HDHD5: variants seen among roughly 807,000 people sequenced by gnomAD.
HDHD5 encodes the protein haloacid dehalogenase-like hydrolase domain-containing 5.
A neutral mutation model predicts 35.5 loss-of-function variants in HDHD5; 34 were observed. That is an observed-to-expected ratio of 0.96 (90% confidence interval 0.73 to 1.28). The LOEUF is 1.28. Ranked by LOEUF, HDHD5 falls within the 50% of genes most tolerant of loss-of-function variation. The pLI, the probability that HDHD5 is intolerant of heterozygous loss-of-function variation, is 0.00. For synonymous variants in HDHD5, 248 were observed against 240.6 expected, an observed-to-expected ratio of 1.03 and a Z score of -0.29; for missense variants, 589 against 560.2, an observed-to-expected ratio of 1.05 and a Z score of -0.52.
chr22:17,156,338 C>T (rs1370276716), intron 1 of HDHD5, among the ~76,000 whole-genome samples: 1 of 152,184 alleles, frequency 6.6e-6, no homozygotes, highest in Non-Finnish European at 1.5e-5. Context: ...TAAGGTAGGG[C>T]ACTGTGGCTC....
chr22:17,149,270 C>A lies in HDHD5; in HGVS notation c.330+272G>T, dbSNP rs567596372. ...GCCAAGGTGTGACGCCAGAGCCACA[C>A]CTGCTATTCCTGCTATGCAAGTTCT... On this transcript the variant is annotated intron_variant, in intron 2 of 7. Transcript: ENST00000336737. Among the ~76,000 whole-genome samples, 5 of 152,288 alleles carry A rather than the reference C, an allele frequency of 3.3e-5. No individual in the cohort carries two copies. In the South Asian group the frequency reaches 6.2e-4, roughly 19 times the overall value.
At chr22:17,143,019 A>C in intron 5 of HDHD5, 79 bp downstream of exon 5, 1 of 1,492,546 alleles carries the variant, frequency 6.7e-7, no homozygotes, top group Non-Finnish European at 9.2e-7. Context: ...GGCTGCAGGC[A>C]GTCACACTGA....
chr22:17,138,890 G>A (rs2061567334), intron 6 of HDHD5, 152 bp from the exon 7 acceptor site: 1 of 762,300 alleles, frequency 1.3e-6, no homozygotes, highest in South Asian at 1.8e-5. Flanking sequence ...AGGCACTGGA[G>A]GCAGCATTTC....
At chr22:17,161,306 C>CCCAGCACT (rs963991688), upstream of HDHD5, among the ~76,000 whole-genome samples, 5 of 151,092 alleles carry the variant, frequency 3.3e-5, no homozygotes, top group Non-Finnish European at 4.4e-5. Context: ...TGCCTGTAAT[C>CCCAGCACT]CCAGCACTTT....
chr22:17,145,216 T>C, intron 3 of HDHD5, 99 bp from the exon 4 acceptor site: 6 of 1,549,016 alleles, frequency 3.9e-6, no homozygotes, highest in Non-Finnish European at 5.2e-6. Flanking sequence ...CCACTCCTGA[T>C]CAAGCCAGGC....
At chr22:17,156,653 A>G (rs1384666248) in intron 1 of HDHD5, among the ~76,000 whole-genome samples, 4 of 151,132 alleles carry the variant, frequency 2.6e-5, no homozygotes, top group Admixed American at 6.6e-5. Flanking sequence ...GCAGGCACCT[A>G]TACTCCCAGT....
At chr22:17,159,294 C>CCG, upstream of HDHD5, 8 of 1,237,626 alleles carry the variant, frequency 6.5e-6, no homozygotes, top group Non-Finnish European at 8.1e-6. Flanking sequence ...CGGCCCCCCC[C>CCG]CCCCGCGAGT....
intron 1 of HDHD5, among the ~76,000 whole-genome samples, chr22:17,156,383 C>T (rs1165854177): frequency 1.3e-5 from 2 of 152,224 alleles, no homozygotes; most frequent in African/African-American, 2.4e-5. Context: ...GAGGCCAAGG[C>T]GGGCGTATCA....
upstream of HDHD5, chr22:17,159,509 G>GGGCGGCGGCGGCGGC (rs148919630): frequency 2.2e-5 from 10 of 462,916 alleles, no homozygotes; most frequent in Admixed American, 1.7e-4. Context: ...GGCACGGCCT[G>GGGCGGCGGCGGCGGC]GGCGGCGGCG....
chr22:17,159,767 T>C (rs568118730), upstream of HDHD5: 2 of 289,474 alleles, frequency 6.9e-6, no homozygotes, highest in African/African-American at 4.7e-5. Flanking sequence ...TCCCAGCGCA[T>C]AGGGAGACTG....
intron 3 of HDHD5, among the ~76,000 whole-genome samples, chr22:17,147,990 C>T (rs2061684628): frequency 6.6e-6 from 1 of 152,208 alleles, no homozygotes; most frequent in Non-Finnish European, 1.5e-5. Flanking sequence ...TTAAAACGGG[C>T]CAGGTATTAT....
chr22:17,139,673 A>G (rs1482203571), intron 6 of HDHD5, among the ~76,000 whole-genome samples: 1 of 152,036 alleles, frequency 6.6e-6, no homozygotes, highest in Non-Finnish European at 1.5e-5. Context: ...CCCTGGGTTC[A>G]AGTGATTCTC....
intron 1 of HDHD5, 65 bp downstream of exon 1, chr22:17,159,061 C>G (rs1446534121): frequency 1.0e-5 from 12 of 1,189,114 alleles, no homozygotes; most frequent in Admixed American, 8.6e-5. Flanking sequence ...TCCTTCCCCG[C>G]GGCTCCCCGC....
chr22:17,159,674 C>T (rs1235019592), upstream of HDHD5: 7 of 315,716 alleles, frequency 2.2e-5, no homozygotes, highest in Non-Finnish European at 6.2e-6. Flanking sequence ...TGTTCAGGTC[C>T]TCTGGGCCCC....
chr22:17,148,627 G>A (rs2061692469), intron 2 of HDHD5, 67 bp from the exon 3 acceptor site: 2 of 1,228,798 alleles, frequency 1.6e-6, no homozygotes, highest in East Asian at 2.3e-5. Flanking sequence ...TAATGAGACA[G>A]GTGGCAGGTC....
intron 1 of HDHD5, among the ~76,000 whole-genome samples, chr22:17,152,549 G>A (rs2061738985): frequency 1.3e-5 from 2 of 151,102 alleles, no homozygotes; most frequent in East Asian, 1.9e-4. Flanking sequence ...GGCAGCGAGA[G>A]GTCATTGGAG....
chr22:17,138,874 C>T, intron 6 of HDHD5, 136 bp from the exon 7 acceptor site: 1 of 860,876 alleles, frequency 1.2e-6, no homozygotes, highest in Non-Finnish European at 1.8e-6. Context: ...GTAGCAGACA[C>T]TGTGCAGGCA....
At chr22:17,161,639 A>T (rs1449953654), upstream of HDHD5, among the ~76,000 whole-genome samples, 1 of 151,958 alleles carries the variant, frequency 6.6e-6, no homozygotes, top group Non-Finnish European at 1.5e-5. Context: ...AAGCCGAGGC[A>T]GGTGGATCAC....
rs370063737 is a variant in HDHD5, at chr22:17,139,389, G to T, written c.747-651C>A. On this transcript the variant is annotated intron_variant, in intron 6 of 7. Coordinates refer to ENST00000336737, the MANE Select transcript of HDHD5 (RefSeq NM_033070.3). ...CCAAAAATGCAAAAATTAGCTGGGTGTGGTGGCACATGCCTGTAGTCCCAG... is the reference window on the plus strand; with the variant it reads ...CCAAAAATGCAAAAATTAGCTGGGTTTGGTGGCACATGCCTGTAGTCCCAG... 3.3e-5 allele frequency among the ~76,000 whole-genome samples: 5 copies of T among 152,072 alleles called. No homozygotes were observed. In the South Asian group the frequency reaches 1.0e-3, roughly 32 times the overall value.
Sources: allele counts gnomAD v4.1 joint callset (sites outside exome capture counted in the v4.1 genomes callset), GRCh38; gene constraint gnomAD v4.1.1; transcripts MANE v1.5; gene names NCBI Gene and HGNC (gene_info 2026-07-23, HGNC 2026-07-21).